Variants in ATXN8OS observed in about 807,000 individuals in gnomAD.
ATXN8OS encodes the protein ATXN8 opposite strand lncRNA.
intron 4 of ATXN8OS, among the ~76,000 whole-genome samples, chr13:70,150,143 A>G (rs1888842790): frequency 6.6e-6 from 1 of 152,092 alleles, no homozygotes; most frequent in African/African-American, 2.4e-5. Context: ...GAAAGAGCAG[A>G]ACCATTCTTG....
At chr13:70,126,761 T>C (rs1389835997) in intron 2 of ATXN8OS, among the ~76,000 whole-genome samples, 1 of 151,772 alleles carries the variant, frequency 6.6e-6, no homozygotes, top group East Asian at 1.9e-4. Flanking sequence ...CATAAATGGA[T>C]ATCTAGATCT....
chr13:70,111,264 T>G (rs1449980013), intron 1 of ATXN8OS, among the ~76,000 whole-genome samples: 2 of 152,234 alleles, frequency 1.3e-5, no homozygotes, highest in African/African-American at 4.8e-5. Context: ...GGATCTGTTT[T>G]AGTCCATTAT....
intron 3 of ATXN8OS, among the ~76,000 whole-genome samples, chr13:70,140,577 A>G (rs953135313): frequency 6.6e-6 from 1 of 151,984 alleles, no homozygotes; most frequent in African/African-American, 2.4e-5. Flanking sequence ...CATAAATAAA[A>G]GTAATTCAAT....
intron 4 of ATXN8OS, among the ~76,000 whole-genome samples, chr13:70,150,661 C>A (rs566472909): frequency 6.6e-6 from 1 of 152,048 alleles, no homozygotes; most frequent in East Asian, 1.9e-4. Context: ...GTTGAAAGGC[C>A]TAATAAGCAC....
intron 4 of ATXN8OS, among the ~76,000 whole-genome samples, chr13:70,150,747 A>C (rs1191937275): frequency 6.6e-6 from 1 of 152,116 alleles, no homozygotes; most frequent in Non-Finnish European, 1.5e-5. Flanking sequence ...TTGATGGAGT[A>C]TATTTCTACT....
At chr13:70,167,114 C>T (rs1272700578) in intron 4 of ATXN8OS, among the ~76,000 whole-genome samples, 1 of 151,862 alleles carries the variant, frequency 6.6e-6, no homozygotes, top group Non-Finnish European at 1.5e-5. Flanking sequence ...GTGGCAATTC[C>T]TCAGGGATCT....
At chr13:70,129,133 T>A (rs915331889) in intron 2 of ATXN8OS, among the ~76,000 whole-genome samples, 1 of 152,062 alleles carries the variant, frequency 6.6e-6, no homozygotes, top group Non-Finnish European at 1.5e-5. Flanking sequence ...GTGCTGGGAG[T>A]ACAGGCGTGA....
chr13:70,122,616 T>G (rs966433145), intron 2 of ATXN8OS, among the ~76,000 whole-genome samples: 3 of 152,034 alleles, frequency 2.0e-5, no homozygotes, highest in Non-Finnish European at 4.4e-5. Flanking sequence ...TTCTAATGTT[T>G]ATAAAAGAAA....
intron 4 of ATXN8OS, among the ~76,000 whole-genome samples, chr13:70,161,693 G>A (rs1015658037): frequency 6.0e-5 from 9 of 150,538 alleles, no homozygotes; most frequent in South Asian, 2.1e-4. Context: ...AACCAGAGGC[G>A]GTCTCTGTTT....
chr13:70,148,845 T>A (rs968492771), intron 4 of ATXN8OS, among the ~76,000 whole-genome samples: 1 of 152,112 alleles, frequency 6.6e-6, no homozygotes, highest in African/African-American at 2.4e-5. Flanking sequence ...ATTCTATCAA[T>A]AGGCTTATGC....
intron 4 of ATXN8OS, among the ~76,000 whole-genome samples, chr13:70,149,799 A>G (rs1888839501): frequency 6.6e-6 from 1 of 152,170 alleles, no homozygotes; most frequent in Admixed American, 6.6e-5. Context: ...AGCCATTCCA[A>G]TTAAAACAAC....
chr13:70,107,624 AC>A, upstream of ATXN8OS: 1 of 1,578,082 alleles, frequency 6.3e-7, no homozygotes, highest in Non-Finnish European at 8.6e-7. Context: ...GTGGAAGGAG[AC>A]GGGTGGCTGA....
chr13:70,163,975 G>A (rs574586753), intron 4 of ATXN8OS, among the ~76,000 whole-genome samples: 3 of 150,190 alleles, frequency 2.0e-5, no homozygotes, highest in South Asian at 2.1e-4. Flanking sequence ...CACTAAAAAT[G>A]TGCTCAATGA....
chr13:70,136,843 G>T (rs1042086021), intron 3 of ATXN8OS, among the ~76,000 whole-genome samples: 1 of 152,108 alleles, frequency 6.6e-6, no homozygotes, highest in Non-Finnish European at 1.5e-5. Flanking sequence ...GTTTCGTAGG[G>T]AAATGAACAG....
intron 3 of ATXN8OS, among the ~76,000 whole-genome samples, chr13:70,132,128 AC>A (rs1248402993): frequency 6.6e-6 from 1 of 152,090 alleles, no homozygotes; most frequent in Non-Finnish European, 1.5e-5. Context: ...ATACTTAGGG[AC>A]ATTATTTACT....
At chr13:70,166,596 T>C (rs981125346) in intron 4 of ATXN8OS, among the ~76,000 whole-genome samples, 14 of 152,198 alleles carry the variant, frequency 9.2e-5, no homozygotes, top group African/African-American at 2.6e-4. Flanking sequence ...ATTCAGGACA[T>C]AGGCATGGGC....
At chr13:70,115,197 T>C in exon 2 of ATXN8OS, 1 of 398,494 alleles carries the variant, frequency 2.5e-6, no homozygotes, top group Non-Finnish European at 4.4e-6. Flanking sequence ...AAAGAGAATC[T>C]TCTTGCTCTG....
intron 1 of ATXN8OS, among the ~76,000 whole-genome samples, chr13:70,109,109 T>C (rs924936369): frequency 6.6e-6 from 1 of 152,216 alleles, no homozygotes; most frequent in African/African-American, 2.4e-5. Context: ...AGTACATAAA[T>C]CATTGTATAC....
At chr13:70,147,021 G>T (rs570502374) in intron 3 of ATXN8OS, among the ~76,000 whole-genome samples, 2 of 152,230 alleles carry the variant, frequency 1.3e-5, no homozygotes, top group African/African-American at 2.4e-5. Flanking sequence ...ATAAAATTAA[G>T]TATGTGTTTT....
Sources: gnomAD v4.1 joint callset for allele counts (sites outside exome capture counted in the v4.1 genomes callset) on GRCh38, gnomAD v4.1.1 for gene constraint, MANE v1.5 for transcripts, NCBI Gene and HGNC (gene_info 2026-07-23, HGNC 2026-07-21) for gene names.